The following PTPN11 variants were observed in gnomAD, a reference collection of about 807,000 sequenced individuals.
PTPN11 encodes tyrosine-protein phosphatase non-receptor type 11.
In PTPN11, 6 loss-of-function variants were observed where a neutral mutation model predicts 78.8. The observed-to-expected ratio is 0.08, with a 90% CI of 0.04 to 0.15. The LOEUF (loss-of-function observed/expected upper bound fraction) is 0.15, where lower values mean the gene tolerates loss of function less well. Ranked by LOEUF, PTPN11 falls within the 10% of genes least tolerant of loss-of-function variation. The pLI is 1.00. For synonymous variants in PTPN11, 221 were observed against 263.5 expected, an observed-to-expected ratio of 0.84 and a Z score of 1.56; for missense variants, 386 against 744.8, an observed-to-expected ratio of 0.52 and a Z score of 5.61.
chr12:112,475,354 A>AG (rs1555269582), intron 7 of PTPN11, among the ~76,000 whole-genome samples: 2 of 152,264 alleles, frequency 1.3e-5, no homozygotes, highest in East Asian at 3.9e-4. Context: ...TAAAAAAAAA[A>AG]GAAAAAGAAA....
chr12:112,437,887 A>G (rs2037819060), intron 1 of PTPN11, among the ~76,000 whole-genome samples: 1 of 151,966 alleles, frequency 6.6e-6, no homozygotes, highest in African/African-American at 2.4e-5. Context: ...TTTTTAATAC[A>G]AGTTGGTCTG....
rs1472704268 is a variant in PTPN11, at chr12:112,506,992, T to TGAC, written c.*1201_*1202insACG. The TGAC allele has an allele frequency of 3.9e-6, 1 of 255,936 alleles. No homozygotes were observed. Among genetic ancestry groups the TGAC allele is most frequent in the Non-Finnish European group, 7.8e-6 (1 of 127,868 alleles). The allele number at this position is 255,936 out of a possible 1,614,324, so 15.9% of individuals were successfully genotyped here. A position where few individuals can be genotyped will look rare whatever the true frequency, so the allele number is the denominator to read the frequency against. On this transcript the variant is annotated 3_prime_UTR_variant, in exon 16 of 16. Coordinates refer to ENST00000351677, the MANE Select transcript of PTPN11 (RefSeq NM_002834.5). ...ATGATGATGATGATGATGATGATGA[T>TGAC]GGTTTTTTCTAATCAGAAGAAAGCT...
chr12:112,488,971 C>T, intron 12 of PTPN11, 53 bp from the exon 13 acceptor site: 1 of 1,608,826 alleles, frequency 6.2e-7, no homozygotes, highest in East Asian at 2.2e-5. Context: ...CATTAAACAA[C>T]TTCATCCTGG....
intron 13 of PTPN11, among the ~76,000 whole-genome samples, chr12:112,495,912 C>T (rs1414312719): frequency 1.3e-5 from 2 of 152,154 alleles, no homozygotes; most frequent in Non-Finnish European, 2.9e-5. Flanking sequence ...GGCAAACCAT[C>T]ATGAAGTTGG....
At position 112,424,855 on chromosome 12, in the gene PTPN11, A is replaced by G. The variant is rs180885206; in HGVS notation, c.14+5730A>G. Among the ~76,000 whole-genome samples, 961 of 146,902 alleles carry G rather than the reference A, an allele frequency of 6.5e-3. 62 individuals carry two copies. The highest frequency in any genetic ancestry group is 0.063 in the Admixed American group (887 of 14,136). On this transcript the variant is annotated intron_variant, in intron 1 of 15. Coordinates refer to ENST00000351677, the MANE Select transcript of PTPN11 (RefSeq NM_002834.5). ...GCTGGGACTGCAGGCACACGCCACC[A>G]TGTCAGGCTAATTGTGTGTGTGTGT...
chr12:112,493,975 G>C (rs1208992351), intron 13 of PTPN11, among the ~76,000 whole-genome samples: 4 of 152,148 alleles, frequency 2.6e-5, no homozygotes. Flanking sequence ...TATCCATGCT[G>C]GACACGGTGG....
chr12:112,428,249 G>A (rs2037653390), intron 1 of PTPN11, among the ~76,000 whole-genome samples: 1 of 152,072 alleles, frequency 6.6e-6, no homozygotes. Context: ...CTCAAATGAG[G>A]CCATACCGTT....
chr12:112,453,668 TG>T (rs1193010569), intron 4 of PTPN11, among the ~76,000 whole-genome samples: 24 of 151,706 alleles, frequency 1.6e-4, no homozygotes, highest in African/African-American at 5.8e-4. Flanking sequence ...TTTTTGTTTT[TG>T]TTTTTTTAAT....
chr12:112,444,997 T>C (rs551435104), intron 1 of PTPN11, among the ~76,000 whole-genome samples: 66 of 152,156 alleles, frequency 4.3e-4, no homozygotes, highest in Non-Finnish European at 8.5e-4. Context: ...TGATTGCTAC[T>C]GGAGTGTCAT....
intron 14 of PTPN11, among the ~76,000 whole-genome samples, chr12:112,503,130 A>G (rs2038895992): frequency 6.6e-6 from 1 of 152,218 alleles, no homozygotes; most frequent in Admixed American, 6.5e-5. Context: ...AAAGAACACA[A>G]AACAAAGACC....
Position 112,508,423 on chromosome 12 carries a change from G to A in PTPN11, c.*2631G>A, listed in dbSNP as rs1427276529. The A allele has an allele frequency of 1.3e-5, 2 of 152,274 alleles. No individual in the cohort carries two copies. Among genetic ancestry groups the A allele is most frequent in the African/African-American group, 4.8e-5 (2 of 41,434 alleles). The allele number at this position is 152,274 out of a possible 1,614,324, so 9.4% of individuals were successfully genotyped here. ...CTCGAGGTGAAGTTTTAAAAAAAAA[G>A]TTGTGGAAAGGAAAGTTCCAAAGAG... On this transcript the variant is annotated 3_prime_UTR_variant, in exon 16 of 16. Transcript: ENST00000351677.
intron 2 of PTPN11, among the ~76,000 whole-genome samples, chr12:112,449,429 C>A (rs2038046312): frequency 6.6e-6 from 1 of 151,748 alleles, no homozygotes; most frequent in Non-Finnish European, 1.5e-5. Flanking sequence ...ATGGTGTGAA[C>A]CCGGGACGTG....
rs371990083 is a variant in PTPN11, at chr12:112,459,549, C to T, written c.756+3486C>T. 5.3e-5 allele frequency among the ~76,000 whole-genome samples: 8 copies of T among 152,080 alleles called. No homozygotes were observed. In the East Asian group the frequency reaches 1.4e-3, roughly 26 times the overall value. On this transcript the variant is annotated intron_variant, in intron 6 of 15. Transcript: ENST00000351677. ...TGGCTTGATCTTGGCTCACTACAAC[C>T]TCCGCCTCCTGGGTTCAAGTGATTC...
At chr12:112,437,098 C>A (rs2037804949) in intron 1 of PTPN11, among the ~76,000 whole-genome samples, 1 of 152,014 alleles carries the variant, frequency 6.6e-6, no homozygotes, top group Non-Finnish European at 1.5e-5. Context: ...ACAAGACATT[C>A]ACCCATGTTT....
intron 6 of PTPN11, among the ~76,000 whole-genome samples, chr12:112,472,324 G>C (rs1013844423): frequency 1.3e-5 from 2 of 152,048 alleles, no homozygotes; most frequent in South Asian, 4.1e-4. Context: ...GCAAGTGTAT[G>C]ATTACATCAT....
intron 1 of PTPN11, among the ~76,000 whole-genome samples, chr12:112,438,346 AG>A (rs1482641911): frequency 6.6e-6 from 1 of 152,094 alleles, no homozygotes; most frequent in Non-Finnish European, 1.5e-5. Context: ...TCTTAGAGAC[AG>A]GGTCCCACTC....
At chr12:112,457,668 C>T (rs2038184292) in intron 6 of PTPN11, among the ~76,000 whole-genome samples, 1 of 152,244 alleles carries the variant, frequency 6.6e-6, no homozygotes, top group Non-Finnish European at 1.5e-5. Flanking sequence ...TCCACATCTT[C>T]TCCAGCATCT....
chr12:112,440,549 CCA>C (rs2037870034), intron 1 of PTPN11, among the ~76,000 whole-genome samples: 1 of 146,360 alleles, frequency 6.8e-6, no homozygotes, highest in South Asian at 2.2e-4. Context: ...CAGGCGTGAG[CCA>C]CTGTGCCTGG....
At chr12:112,456,458 C>CTTTTTT (rs11320404) in intron 6 of PTPN11, among the ~76,000 whole-genome samples, 2 of 124,598 alleles carry the variant, frequency 1.6e-5, no homozygotes, top group Non-Finnish European at 3.4e-5. Context: ...CTTGTGGTGG[C>CTTTTTT]TTTTTTTTTT....
Sources: gnomAD v4.1 joint callset for allele counts (sites outside exome capture counted in the v4.1 genomes callset) on GRCh38, gnomAD v4.1.1 for gene constraint, MANE v1.5 for transcripts, NCBI Gene and HGNC (gene_info 2026-07-23, HGNC 2026-07-21) for gene names.